CNTN3: variants seen among roughly 807,000 people sequenced by gnomAD.
The protein encoded by CNTN3 is contactin-3.
A neutral mutation model predicts 119.1 loss-of-function variants in CNTN3; 60 were observed. The observed-to-expected ratio is 0.50, with a 90% CI of 0.41 to 0.62. CNTN3 has a LOEUF of 0.62. Among genes scored for constraint, CNTN3 ranks in the 20% least tolerant of loss-of-function variants. The probability of loss-of-function intolerance (pLI) is 0.00; values close to 1 mark genes in which losing one functional copy is unlikely to be tolerated. For missense variants in CNTN3, 1,101 were observed against 1,242.4 expected (o/e 0.89, Z 1.71); for synonymous variants, 450 against 438.7 (o/e 1.03, Z -0.32).
intron 3 of CNTN3, among the ~76,000 whole-genome samples, chr3:74,497,491 T>G (rs1459673450): frequency 6.6e-6 from 1 of 151,932 alleles, no homozygotes; most frequent in Non-Finnish European, 1.5e-5. Context: ...AGTCTGATAT[T>G]TCTTAGAATG....
intron 1 of CNTN3, among the ~76,000 whole-genome samples, chr3:74,592,537 G>T (rs1704721532): frequency 6.6e-6 from 1 of 151,762 alleles, no homozygotes; most frequent in African/African-American, 2.4e-5. Flanking sequence ...AAGTCAAAAA[G>T]AGGAACACCA....
At chr3:74,600,356 A>C (rs2106702723) in intron 1 of CNTN3, among the ~76,000 whole-genome samples, 1 of 152,154 alleles carries the variant, frequency 6.6e-6, no homozygotes, top group East Asian at 1.9e-4. Flanking sequence ...CGGAGGAAAA[A>C]GCAATAGTTC....
At chr3:74,431,056 C>T (rs1701775426) in intron 4 of CNTN3, among the ~76,000 whole-genome samples, 2 of 152,050 alleles carry the variant, frequency 1.3e-5, no homozygotes, top group South Asian at 4.1e-4. Flanking sequence ...CTTCTTGTGA[C>T]TAGCTTTTTG....
At chr3:74,360,670 C>A (rs772958314) in intron 11 of CNTN3, among the ~76,000 whole-genome samples, 1 of 152,130 alleles carries the variant, frequency 6.6e-6, no homozygotes, top group Non-Finnish European at 1.5e-5. Context: ...AATCTGGAAT[C>A]ATTTTGTACT....
At chr3:74,451,654 C>T (rs1365000082) in intron 4 of CNTN3, among the ~76,000 whole-genome samples, 7 of 151,886 alleles carry the variant, frequency 4.6e-5, no homozygotes, top group South Asian at 2.1e-4. Context: ...TTATGTCTAA[C>T]GTTTAAGTCT....
chr3:74,403,554 G>A (rs1229162288), intron 5 of CNTN3, among the ~76,000 whole-genome samples: 1 of 152,120 alleles, frequency 6.6e-6, no homozygotes, highest in East Asian at 1.9e-4. Flanking sequence ...AAAGGAATGT[G>A]AGATCTAATC....
intron 13 of CNTN3, among the ~76,000 whole-genome samples, chr3:74,332,199 G>C (rs1703281680): frequency 6.6e-6 from 1 of 152,210 alleles, no homozygotes. Flanking sequence ...GACTATCTTT[G>C]TATTAATGTG....
chr3:74,425,469 A>G (rs1701681216), intron 4 of CNTN3, among the ~76,000 whole-genome samples: 1 of 152,242 alleles, frequency 6.6e-6, no homozygotes. Flanking sequence ...AAATTCAGCA[A>G]TACAATATAA....
chr3:74,427,488 T>C (rs1194069350), intron 4 of CNTN3, among the ~76,000 whole-genome samples: 1 of 152,178 alleles, frequency 6.6e-6, no homozygotes, highest in Non-Finnish European at 1.5e-5. Context: ...AAAAGAGTAG[T>C]GTCAATGTCT....
At chr3:74,367,793 G>T (rs1007872787) in intron 8 of CNTN3, among the ~76,000 whole-genome samples, 4 of 152,058 alleles carry the variant, frequency 2.6e-5, no homozygotes, top group African/African-American at 9.7e-5. Flanking sequence ...CAGGGTTTCT[G>T]TTATATAGAG....
Position 74,614,441 on chromosome 3 carries a change from G to GCCA in CNTN3, c.-132_-131insTGG, listed in dbSNP as rs1553686399. On this transcript the variant is annotated 5_prime_UTR_variant, in exon 1 of 23. Coordinates refer to ENST00000263665, the MANE Select transcript of CNTN3 (RefSeq NM_020872.3). ...CCGCCCCGACGGCCCACTCGCCGCC[G>GCCA]CCGCCGCCGCCGCCGCCGCCGCCAC... Among the ~76,000 whole-genome samples the GCCA allele has an allele frequency of 7.3e-6, 1 of 136,782 alleles. No individual in the cohort carries two copies. The highest frequency in any genetic ancestry group is 7.0e-5 in the Admixed American group (1 of 14,344). The allele number at this position is 136,782 out of a possible 152,430, so 89.7% of individuals were successfully genotyped here.
At chr3:74,295,305 C>T in intron 18 of CNTN3, 69 bp from the exon 19 acceptor site, 1 of 785,750 alleles carries the variant, frequency 1.3e-6, no homozygotes, top group Non-Finnish European at 2.1e-6. Context: ...GATTAATGTT[C>T]TTATTTTTAT....
chr3:74,310,283 T>G (rs1241521852), intron 13 of CNTN3, among the ~76,000 whole-genome samples: 4 of 152,228 alleles, frequency 2.6e-5, no homozygotes. Flanking sequence ...CAAATGCCAT[T>G]TGAGTTTCAA....
intron 1 of CNTN3, among the ~76,000 whole-genome samples, chr3:74,542,410 A>C (rs1380182158): frequency 6.6e-6 from 1 of 152,118 alleles, no homozygotes. Flanking sequence ...TAAGAAGATA[A>C]ATCAGACTAT....
chr3:74,591,177 G>A (rs1215337542), intron 1 of CNTN3, among the ~76,000 whole-genome samples: 2 of 151,866 alleles, frequency 1.3e-5, no homozygotes, highest in Non-Finnish European at 2.9e-5. Flanking sequence ...AGGGCCTTAT[G>A]TTGGTTTTTT....
intron 1 of CNTN3, among the ~76,000 whole-genome samples, chr3:74,580,737 T>G: frequency 6.6e-6 from 1 of 152,162 alleles, no homozygotes; most frequent in African/African-American, 2.4e-5. Flanking sequence ...ATAAAGAGTA[T>G]TAACAAAAAA....
chr3:74,394,989 A>C (rs906865684), intron 5 of CNTN3, among the ~76,000 whole-genome samples: 2 of 152,222 alleles, frequency 1.3e-5, no homozygotes, highest in Non-Finnish European at 2.9e-5. Flanking sequence ...ATATGAACAA[A>C]TTAATAAGAT....
intron 4 of CNTN3, among the ~76,000 whole-genome samples, chr3:74,467,447 C>A (rs1702485375): frequency 1.3e-5 from 2 of 151,986 alleles, no homozygotes; most frequent in African/African-American, 4.8e-5. Context: ...AGACATTTTC[C>A]AACATTTGCA....
chr3:74,486,559 C>A lies in CNTN3; in HGVS notation c.255G>T (p.Val85=). ...CCCAATTTCTGTTGGGATTAATAAC[C>A]ACAAGATTTCCTCCATTCAACTTAT... ...HRYKLNGGNL[V]VINPNRNWDT... is the part of the protein sequence containing the mutation. The change falls in exon 4 of 23, where the codon GTG becomes GTT. Residue 85 remains valine, a synonymous_variant. Transcript: ENST00000263665. The A allele has an allele frequency of 6.2e-7, 1 of 1,609,644 alleles. No homozygotes were observed. The highest frequency in any genetic ancestry group is 8.5e-7 in the Non-Finnish European group (1 of 1,178,982).
Sources: gnomAD v4.1 joint callset for allele counts (sites outside exome capture counted in the v4.1 genomes callset) on GRCh38, gnomAD v4.1.1 for gene constraint, MANE v1.5 for transcripts, NCBI Gene and HGNC (gene_info 2026-07-23, HGNC 2026-07-21) for gene names.